The following CDHR1 variants were observed in gnomAD, a reference collection of about 807,000 sequenced individuals.
CDHR1 encodes cadherin related family member 1.
CDHR1 carries 61 observed loss-of-function variants against 72.1 expected under a neutral mutation model. The observed-to-expected ratio is 0.85, with a 90% CI of 0.69 to 1.05. The LOEUF is 1.05. Among genes scored for constraint, CDHR1 ranks in the 50% least tolerant of loss-of-function variants. CDHR1 has a pLI of 0.00. For missense variants in CDHR1, 1,186 were observed against 1,115.7 expected (o/e 1.06, Z -0.90); for synonymous variants, 470 against 448.1 (o/e 1.05, Z -0.62).
chr10:84,213,000 C>T, intron 15 of CDHR1, 91 bp from the exon 16 acceptor site: 1 of 1,512,032 alleles, frequency 6.6e-7, no homozygotes, highest in South Asian at 1.1e-5. Flanking sequence ...TTCCCATCAA[C>T]CCAGCAAGCC....
intron 9 of CDHR1, 61 bp from the exon 10 acceptor site, chr10:84,205,766 C>G: frequency 8.7e-7 from 1 of 1,146,852 alleles, no homozygotes; most frequent in Non-Finnish European, 1.3e-6. Context: ...TCCTGTGGCA[C>G]GACTCCCCTG....
intron 7 of CDHR1, 83 bp from the exon 8 acceptor site, chr10:84,202,897 C>A: frequency 6.5e-7 from 1 of 1,542,930 alleles, no homozygotes; most frequent in Non-Finnish European, 8.9e-7. Context: ...CCATAGGTGG[C>A]AGAAGCCAGG....
chr10:84,215,757 C>T lies in CDHR1; in HGVS notation c.*1136C>T. 1.0e-6 allele frequency: 1 copy of T among 985,470 alleles called. No homozygotes were observed. Among genetic ancestry groups the T allele is most frequent in the Non-Finnish European group, 1.2e-6 (1 of 829,942 alleles). The allele number at this position is 985,470 out of a possible 1,614,324, so 61.0% of individuals were successfully genotyped here. ...GAAAGTATTAGGAGCCTCACATCTA[C>T]TCTGCCAAGCGCCCCAGCAGGCACT... is the stretch of plus-strand genomic sequence containing the variant. On this transcript the variant is annotated 3_prime_UTR_variant, in exon 17 of 17. Transcript: ENST00000623527.
chr10:84,195,426 C>T, intron 1 of CDHR1, 68 bp from the exon 2 acceptor site: 1 of 1,428,136 alleles, frequency 7.0e-7, no homozygotes, highest in Non-Finnish European at 9.7e-7. Context: ...CGCGCTGGTG[C>T]GAAGCTCCCT....
At chr10:84,199,195 C>T in intron 5 of CDHR1, 74 bp downstream of exon 5, 3 of 1,258,328 alleles carry the variant, frequency 2.4e-6, no homozygotes, top group Non-Finnish European at 3.4e-6. Flanking sequence ...TGCCCTGTGG[C>T]CTGGCCATGG....
chr10:84,211,623 C>T (rs1475515262), intron 13 of CDHR1, 25 bp from the exon 14 acceptor site: 3 of 1,609,328 alleles, frequency 1.9e-6, no homozygotes, highest in Admixed American at 1.7e-5. Flanking sequence ...GAGGCACGTG[C>T]CACCCAGGGC....
At chr10:84,203,705 C>G (rs372048741) in intron 8 of CDHR1, among the ~76,000 whole-genome samples, 1 of 152,194 alleles carries the variant, frequency 6.6e-6, no homozygotes, top group South Asian at 2.1e-4. Context: ...TGTGAGCCAC[C>G]GCGCCCGGCC....
chr10:84,204,882 C>G (rs1842196893), intron 9 of CDHR1, among the ~76,000 whole-genome samples: 1 of 152,206 alleles, frequency 6.6e-6, no homozygotes, highest in Non-Finnish European at 1.5e-5. Flanking sequence ...GTATTTGCTC[C>G]TTGATGGGAA....
At chr10:84,196,310 G>C (rs772596967) in intron 2 of CDHR1, among the ~76,000 whole-genome samples, 195 bp from the exon 3 acceptor site, 1 of 152,214 alleles carries the variant, frequency 6.6e-6, no homozygotes, top group Non-Finnish European at 1.5e-5. Flanking sequence ...CACCCGCTGT[G>C]AAGAATAAAC....
intron 16 of CDHR1, 51 bp from the exon 17 acceptor site, chr10:84,214,031 C>A: frequency 6.2e-7 from 1 of 1,613,092 alleles, no homozygotes; most frequent in South Asian, 1.1e-5. Context: ...ACTCTGTACT[C>A]CAGGGACCAG....
Position 84,205,831 on chromosome 10 carries a change from C to A in CDHR1, c.867C>A (p.Asn289Lys). The stretch of plus-strand genomic sequence containing the variant: ...AGGGTGCATCTCCCTTGACAGGGAA[C>A]GATGGAGCCTTTGAAATTAATGAGA... ...NRILYSLVNG[N>K]DGAFEINETS... The change falls in exon 10 of 17, where the codon AAC (asparagine) becomes AAA (lysine). Residue 289 changes from asparagine (N) to lysine (K), a missense_variant. Coordinates refer to ENST00000623527, the MANE Select transcript of CDHR1 (RefSeq NM_033100.4). The A allele has an allele frequency of 6.2e-7, 1 of 1,613,188 alleles. No individual in the cohort carries two copies. Among genetic ancestry groups the A allele is most frequent in the Non-Finnish European group, 8.5e-7 (1 of 1,179,338 alleles).
downstream of CDHR1, chr10:84,219,028 C>T: frequency 2.8e-6 from 2 of 718,668 alleles, no homozygotes; most frequent in Non-Finnish European, 2.3e-6. Flanking sequence ...TGTTATTATC[C>T]CCATTTTACA....
At chr10:84,199,788 T>C (rs1842090875) in intron 5 of CDHR1, among the ~76,000 whole-genome samples, 1 of 152,240 alleles carries the variant, frequency 6.6e-6, no homozygotes, top group African/African-American at 2.4e-5. Context: ...CCAGATTGCT[T>C]TTCCAGAAGG....
At position 84,214,846 on chromosome 10, in the gene CDHR1, T is replaced by G. The variant is rs1173610266; in HGVS notation, c.*225T>G. The G allele has an allele frequency of 2.1e-6, 3 of 1,462,762 alleles. No individual in the cohort carries two copies. Among genetic ancestry groups the G allele is most frequent in the Admixed American group, 2.6e-5 (1 of 38,074 alleles). The allele number at this position is 1,462,762 out of a possible 1,614,324, so 90.6% of individuals were successfully genotyped here. On this transcript the variant is annotated 3_prime_UTR_variant, in exon 17 of 17. Coordinates refer to ENST00000623527, the MANE Select transcript of CDHR1 (RefSeq NM_033100.4). Reference sequence around the variant, plus strand: ...TTGGGCAAGACATTGGGCTCTAGGATGCAATTGGCAAATACGTCCCCGTTA... The same window carrying G: ...TTGGGCAAGACATTGGGCTCTAGGAGGCAATTGGCAAATACGTCCCCGTTA...
downstream of CDHR1, chr10:84,219,119 G>A (rs1232779493): frequency 1.0e-5 from 14 of 1,402,548 alleles, no homozygotes; most frequent in Admixed American, 1.2e-4. Flanking sequence ...AACTTCCCTG[G>A]TACAACAAAG....
chr10:84,211,813 G>A, intron 14 of CDHR1, 98 bp downstream of exon 14: 1 of 1,047,630 alleles, frequency 9.5e-7, no homozygotes, highest in Non-Finnish European at 1.5e-6. Flanking sequence ...GGCCTGGGAG[G>A]GACAGGAGCC....
chr10:84,201,200 A>G (rs1294875729), intron 6 of CDHR1, among the ~76,000 whole-genome samples: 1 of 152,172 alleles, frequency 6.6e-6, no homozygotes, highest in African/African-American at 2.4e-5. Context: ...TGATAAAAAC[A>G]CATCCTTGTT....
In CDHR1 at chr10:84,215,629, A is replaced by G. The variant is rs549785373; in HGVS notation, c.*1008A>G. ...CTACCTCACATGCAGGTCTAGGGTGAGGATTGAAGAAAATAGTGGTGATGA... is the reference window on the plus strand; with the variant it reads ...CTACCTCACATGCAGGTCTAGGGTGGGGATTGAAGAAAATAGTGGTGATGA... On this transcript the variant is annotated 3_prime_UTR_variant, in exon 17 of 17. Transcript: ENST00000623527. 6 of 957,462 alleles carry G rather than the reference A, an allele frequency of 6.3e-6. No homozygotes were observed. The East Asian group carries it at 6.9e-4, about 111-fold the overall frequency. The allele number at this position is 957,462 out of a possible 1,614,324, so 59.3% of individuals were successfully genotyped here.
intron 6 of CDHR1, among the ~76,000 whole-genome samples, chr10:84,201,388 G>A (rs550848829): frequency 6.6e-5 from 10 of 152,282 alleles, no homozygotes; most frequent in Admixed American, 2.0e-4. Context: ...GGACTGGCCC[G>A]CAGTCACTTG....
Sources: allele counts gnomAD v4.1 joint callset (sites outside exome capture counted in the v4.1 genomes callset), GRCh38; gene constraint gnomAD v4.1.1; transcripts MANE v1.5; gene names NCBI Gene and HGNC (gene_info 2026-07-23, HGNC 2026-07-21).